The following KIAA0825 variants were observed in gnomAD, a reference collection of about 807,000 sequenced individuals.
KIAA0825 encodes the protein KIAA0825, also known as uncharacterized protein KIAA0825.
A neutral mutation model predicts 147.6 loss-of-function variants in KIAA0825; 119 were observed. The observed-to-expected ratio is 0.81, with a 90% CI of 0.69 to 0.94. The LOEUF (loss-of-function observed/expected upper bound fraction) is 0.94. KIAA0825 is among the 40% of genes least tolerant of loss of function. The pLI, the probability that KIAA0825 is intolerant of heterozygous loss-of-function variation, is 0.00. For synonymous variants in KIAA0825, 470 were observed against 518.1 expected, an observed-to-expected ratio of 0.91 and a Z score of 1.26; for missense variants, 1,381 against 1,472.7, an observed-to-expected ratio of 0.94 and a Z score of 1.02.
chr5:94,248,560 A>C lies in KIAA0825; in HGVS notation c.3711-94436T>G, dbSNP rs1271305822. On this transcript the variant is annotated intron_variant, in intron 20 of 20. Coordinates refer to ENST00000682413, the MANE Select transcript of KIAA0825 (RefSeq NM_001145678.3). ...TCGGCCTTGGGTCACTCACATAGTAATTCCTGGCAACTCATCTCTTGCTGT... is the reference window on the plus strand; with the variant it reads ...TCGGCCTTGGGTCACTCACATAGTACTTCCTGGCAACTCATCTCTTGCTGT... 3.3e-5 allele frequency among the ~76,000 whole-genome samples: 5 copies of C among 152,142 alleles called. No homozygotes were observed. In the East Asian group the frequency reaches 9.6e-4, roughly 29 times the overall value.
chr5:94,473,517 A>G lies in KIAA0825; in HGVS notation c.1230T>C (p.Ala410=). The change falls in exon 8 of 21, where the codon GCT becomes GCC. Residue 410 remains alanine, a splice_region_variant and synonymous_variant. Coordinates refer to ENST00000682413, the MANE Select transcript of KIAA0825 (RefSeq NM_001145678.3). ...TTCTCCAGCCAAAATCTAGTAAGGT[A>G]GCCTGAAATATCAATGTATATGAAG... ...PSEQSLPGKE[A]TLLDFGWRSA... 1.3e-6 allele frequency: 2 copies of G among 1,540,300 alleles called. No homozygotes were observed. The highest frequency in any genetic ancestry group is 1.8e-6 in the Non-Finnish European group (2 of 1,136,648).
At chr5:94,188,246 C>T (rs980594962) in intron 20 of KIAA0825, among the ~76,000 whole-genome samples, 5 of 152,192 alleles carry the variant, frequency 3.3e-5, no homozygotes, top group South Asian at 2.1e-4. Context: ...TAAGACAGTA[C>T]ACCAGAAAAT....
Position 94,471,748 on chromosome 5 carries a change from G to A in KIAA0825, c.1456-17C>T. ...AGAACAAAACTAGGGAGAAATAAAT[G>A]TGGCACTGAGTTATTTGTATTCTGA... is the stretch of plus-strand genomic sequence containing the variant. On this transcript the variant is annotated splice_polypyrimidine_tract_variant and intron_variant, in intron 8 of 20. Coordinates refer to ENST00000682413, the MANE Select transcript of KIAA0825 (RefSeq NM_001145678.3). 1.9e-6 allele frequency: 3 copies of A among 1,550,804 alleles called. No homozygotes were observed. The highest frequency in any genetic ancestry group is 2.6e-6 in the Non-Finnish European group (3 of 1,146,312).
intron 18 of KIAA0825, among the ~76,000 whole-genome samples, chr5:94,390,827 C>T (rs1749797588): frequency 6.6e-6 from 1 of 152,062 alleles, no homozygotes; most frequent in South Asian, 2.1e-4. Context: ...TTTACTATTC[C>T]AAAAATTACA....
At chr5:94,291,149 A>G (rs1020283606) in intron 20 of KIAA0825, among the ~76,000 whole-genome samples, 9 of 152,050 alleles carry the variant, frequency 5.9e-5, no homozygotes, top group Non-Finnish European at 1.0e-4. Flanking sequence ...CCATTTGTCA[A>G]TTTTGGCTTT....
chr5:94,427,058 A>G (rs919466948), intron 14 of KIAA0825, among the ~76,000 whole-genome samples: 1 of 152,080 alleles, frequency 6.6e-6, no homozygotes, highest in African/African-American at 2.4e-5. Flanking sequence ...TCTTGTATAT[A>G]AAAAAAATTT....
intron 20 of KIAA0825, among the ~76,000 whole-genome samples, chr5:94,288,963 G>A (rs1268507220): frequency 6.6e-6 from 1 of 152,148 alleles, no homozygotes; most frequent in East Asian, 1.9e-4. Context: ...GGCCCCCAAC[G>A]TATGGGTGTT....
chr5:94,198,773 A>AACAAC (rs1771387039), intron 20 of KIAA0825, among the ~76,000 whole-genome samples: 1 of 152,148 alleles, frequency 6.6e-6, no homozygotes, highest in Non-Finnish European at 1.5e-5. Flanking sequence ...AGTAAACAAC[A>AACAAC]ACAACAACAA....
chr5:94,191,362 A>G (rs966532461), intron 20 of KIAA0825, among the ~76,000 whole-genome samples: 1 of 152,288 alleles, frequency 6.6e-6, no homozygotes, highest in African/African-American at 2.4e-5. Context: ...GGGCAGGACT[A>G]AGCACCCATA....
intron 2 of KIAA0825, among the ~76,000 whole-genome samples, chr5:94,548,383 G>A (rs1774875815): frequency 6.6e-6 from 1 of 152,030 alleles, no homozygotes; most frequent in Non-Finnish European, 1.5e-5. Flanking sequence ...AAACCTCACA[G>A]TAACCTCAAA....
chr5:94,290,943 A>G (rs1202266508), intron 20 of KIAA0825, among the ~76,000 whole-genome samples: 2 of 152,220 alleles, frequency 1.3e-5, no homozygotes, highest in South Asian at 2.1e-4. Flanking sequence ...TTTGAAAAGT[A>G]TCTGTTCATA....
intron 20 of KIAA0825, among the ~76,000 whole-genome samples, chr5:94,172,868 A>C (rs1445789409): frequency 6.6e-6 from 1 of 152,128 alleles, no homozygotes; most frequent in Non-Finnish European, 1.5e-5. Context: ...TCATCTTCAA[A>C]TAAGGATCAT....
chr5:94,583,048 G>A (rs1584958866), intron 1 of KIAA0825, among the ~76,000 whole-genome samples: 1 of 152,258 alleles, frequency 6.6e-6, no homozygotes, highest in East Asian at 1.9e-4. Context: ...TGCTGGGGGA[G>A]GCGCTTCCAA....
rs963905447 is a variant in KIAA0825 at position 94,151,278 on chromosome 5, G to A, written c.*2729C>T. The stretch of plus-strand genomic sequence containing the variant: ...TAAAAATACAAAAAAGTAGCCGGGC[G>A]CGGTGGCGGGCGCCTGTAGTCCCAG... On this transcript the variant is annotated 3_prime_UTR_variant, in exon 21 of 21. Transcript: ENST00000682413. Among the ~76,000 whole-genome samples the A allele has an allele frequency of 6.6e-6, 1 of 150,830 alleles. No homozygotes were observed. Among genetic ancestry groups the A allele is most frequent in the Non-Finnish European group, 1.5e-5 (1 of 67,626 alleles).
At chr5:94,316,328 AACC>A (rs1393545607) in intron 20 of KIAA0825, among the ~76,000 whole-genome samples, 2 of 151,570 alleles carry the variant, frequency 1.3e-5, no homozygotes, top group Admixed American at 1.3e-4. Context: ...TATACTACTA[AACC>A]ACCTGAAATA....
At chr5:94,307,911 C>T (rs17083564) in intron 20 of KIAA0825, among the ~76,000 whole-genome samples, 30,974 of 151,608 alleles carry the variant, frequency 0.2, 3,600 homozygotes, top group Non-Finnish European at 0.25. Flanking sequence ...AACACACTCT[C>T]AGGACTCTGA....
chr5:94,177,188 A>G (rs1769184302), intron 20 of KIAA0825, among the ~76,000 whole-genome samples: 1 of 151,876 alleles, frequency 6.6e-6, no homozygotes, highest in South Asian at 2.1e-4. Context: ...AAATGTCACC[A>G]ATCAAATATT....
At chr5:94,408,107 G>T (rs558369750) in intron 15 of KIAA0825, among the ~76,000 whole-genome samples, 1 of 152,140 alleles carries the variant, frequency 6.6e-6, no homozygotes, top group African/African-American at 2.4e-5. Flanking sequence ...TATTAAAATG[G>T]TGGGTTGGAT....
intron 15 of KIAA0825, among the ~76,000 whole-genome samples, chr5:94,409,814 A>G (rs1226450098): frequency 1.3e-5 from 2 of 152,234 alleles, no homozygotes; most frequent in African/African-American, 4.8e-5. Context: ...CTGCCCTAAT[A>G]AAGCTTGAAA....
Sources: gnomAD v4.1 joint callset for allele counts (sites outside exome capture counted in the v4.1 genomes callset) on GRCh38, gnomAD v4.1.1 for gene constraint, MANE v1.5 for transcripts, NCBI Gene and HGNC (gene_info 2026-07-23, HGNC 2026-07-21) for gene names.